Variants in IMPG2 observed in about 807,000 individuals in gnomAD.
The protein encoded by IMPG2 is IPM 200.
IMPG2 carries 91 observed loss-of-function variants against 129.2 expected under a neutral mutation model. The ratio of observed to expected loss-of-function variants is 0.70; its 90% confidence interval spans 0.59 to 0.84. IMPG2 has a LOEUF of 0.84. Ranked by LOEUF, IMPG2 falls within the 40% of genes least tolerant of loss-of-function variation. IMPG2 has a pLI of 0.00. For missense variants in IMPG2, 1,430 were observed against 1,461.7 expected (o/e 0.98, Z 0.35); for synonymous variants, 510 against 517.7 (o/e 0.99, Z 0.20).
chr3:101,232,942 C>T lies in IMPG2; in HGVS notation c.3072G>A (p.Glu1024=), dbSNP rs1252724588. The change falls in exon 15 of 19, where the codon GAG becomes GAA. Residue 1024 remains glutamate (E), a synonymous_variant. Coordinates refer to ENST00000193391, the MANE Select transcript of IMPG2 (RefSeq NM_016247.4). The stretch of plus-strand genomic sequence containing the variant: ...CTCCACTCCAGGGGTTGACCAGACA[C>T]TCTGAAAATTCATTACAGGCCTGAA... ...CKFQACNEFS[E]CLVNPWSGEA... is the part of the protein sequence containing the mutation. 6.2e-7 allele frequency: 1 copy of T among 1,613,928 alleles called. No individual in the cohort carries two copies. Among genetic ancestry groups the T allele is most frequent in the Non-Finnish European group, 8.5e-7 (1 of 1,180,026 alleles).
rs1706221838 is a variant in IMPG2, at chr3:101,226,245, A to ATATATATATATATATATATATATATATT, written c.*723_*724insAATATATATATATATATATATATATATA. 3 of 20,984 alleles carry ATATATATATATATATATATATATATATT rather than the reference A, an allele frequency of 1.4e-4. No individual in the cohort carries two copies. Among genetic ancestry groups the ATATATATATATATATATATATATATATT allele is most frequent in the African/African-American group, 4.7e-4 (3 of 6,340 alleles). 1.3% of individuals were successfully genotyped at this position (20,984 alleles called of 1,614,324 possible). A position where few individuals can be genotyped will look rare whatever the true frequency, so the allele number is the denominator to read the frequency against. ...AAACTTTATATATATATATATATAT[A>ATATATATATATATATATATATATATATT]TATATATATATATATATATATATAT... On this transcript the variant is annotated 3_prime_UTR_variant, in exon 19 of 19. Transcript: ENST00000193391.
intron 11 of IMPG2, among the ~76,000 whole-genome samples, chr3:101,250,197 G>C (rs1706528954): frequency 6.6e-6 from 1 of 152,150 alleles, no homozygotes; most frequent in Admixed American, 6.5e-5. Flanking sequence ...GCACCAAATA[G>C]ACATAAAGCT....
At chr3:101,271,459 G>A (rs1224068465) in intron 7 of IMPG2, among the ~76,000 whole-genome samples, 1 of 152,118 alleles carries the variant, frequency 6.6e-6, no homozygotes, top group South Asian at 2.1e-4. Context: ...AATTTATTGA[G>A]GACTGCAATA....
intron 11 of IMPG2, among the ~76,000 whole-genome samples, chr3:101,251,478 T>C (rs186937264): frequency 6.6e-6 from 1 of 152,320 alleles, no homozygotes. Context: ...AGCCCTTCAT[T>C]AATTTTTCTA....
In IMPG2 at chr3:101,253,766, C is replaced by T. The variant is rs139255481; in HGVS notation, c.1169G>A (p.Arg390His). The T allele has an allele frequency of 9.0e-4, 1,443 of 1,609,918 alleles. 3 individuals are homozygous for T. The highest frequency in any genetic ancestry group is 7.3e-3 in the East Asian group (329 of 44,822). The change falls in exon 11 of 19, where the codon CGT becomes CAT. Residue 390 changes from arginine to histidine, a missense_variant. Arg to His is a conservative substitution (Grantham distance 29). Coordinates refer to ENST00000193391, the MANE Select transcript of IMPG2 (RefSeq NM_016247.4). ...CCAAACTAGATCTTCAGTTTGGTGA[C>T]GCAAAACTCCTCTCACTGAGGAAAG... is the stretch of plus-strand genomic sequence containing the variant. ...LQLINVRGVL[R>H]HQTEDLVWNT... is the part of the protein sequence containing the mutation.
intron 7 of IMPG2, among the ~76,000 whole-genome samples, chr3:101,271,703 A>G (rs945875595): frequency 6.6e-6 from 1 of 152,190 alleles, no homozygotes; most frequent in Admixed American, 6.5e-5. Flanking sequence ...AATGTGCTTT[A>G]GAATTGGGAC....
In IMPG2 at chr3:101,291,521, C is replaced by T. The variant is rs375300127; in HGVS notation, c.502-11G>A. On this transcript the variant is annotated splice_polypyrimidine_tract_variant and intron_variant, in intron 3 of 18. Transcript: ENST00000193391. Reference sequence around the variant, plus strand: ...TGCATAAGTCAGTTTCTAAGGAAAACAAAGATATAAAAATGACTGAGTTAA... The same window carrying T: ...TGCATAAGTCAGTTTCTAAGGAAAATAAAGATATAAAAATGACTGAGTTAA... 3.7e-6 allele frequency: 6 copies of T among 1,608,448 alleles called. No homozygotes were observed. In the African/African-American group the frequency reaches 6.7e-5, roughly 18 times the overall value.
At chr3:101,269,205 T>C (rs1363493224) in intron 8 of IMPG2, among the ~76,000 whole-genome samples, 1 of 29,882 alleles carries the variant, frequency 3.3e-5, no homozygotes, top group African/African-American at 8.4e-5. Context: ...CCACATCTCG[T>C]CTGCCTCCTA....
chr3:101,319,781 G>C lies in IMPG2; in HGVS notation c.137C>G (p.Ser46Cys). The C allele has an allele frequency of 6.2e-7, 1 of 1,613,400 alleles. No individual in the cohort carries two copies. ...TGTTGATTCTTCAGGCAGGAGAAAA[G>C]AAACTGCACTCTTGGGTTCTTGGAT... ...EEIQEPKSAV[S>C]FLLPEESTDL... Residue 46 changes from serine (S) to cysteine (C), a missense_variant, in exon 2 of 19, where the codon TCT (serine) becomes TGT (cysteine). By Grantham distance (112) the Ser-to-Cys change is moderately radical. Transcript: ENST00000193391.
chr3:101,260,412 A>C (rs59396753), intron 9 of IMPG2, among the ~76,000 whole-genome samples: 27,066 of 152,096 alleles, frequency 0.18, 2,822 homozygotes, highest in East Asian at 0.32. Context: ...GGTAATTCCC[A>C]ATATTATTTA....
intron 11 of IMPG2, among the ~76,000 whole-genome samples, chr3:101,249,721 C>CA (rs566076617): frequency 3.5e-4 from 51 of 144,770 alleles, no homozygotes; most frequent in African/African-American, 1.1e-3. Flanking sequence ...TCTGAGGACA[C>CA]AAAATTCCCT....
chr3:101,226,267 A>ATATATATATT lies in IMPG2; in HGVS notation c.*701_*702insAATATATATA. 2 of 121,896 alleles carry ATATATATATT rather than the reference A, an allele frequency of 1.6e-5. No individual in the cohort carries two copies. Among genetic ancestry groups the ATATATATATT allele is most frequent in the African/African-American group, 6.5e-5 (2 of 30,786 alleles). The allele number at this position is 121,896 out of a possible 1,614,324, so 7.6% of individuals were successfully genotyped here. ...TATATATATATATATATATATATAT[A>ATATATATATT]TATATATATATATGCATTCATCCTG... On this transcript the variant is annotated 3_prime_UTR_variant, in exon 19 of 19. Coordinates refer to ENST00000193391, the MANE Select transcript of IMPG2 (RefSeq NM_016247.4).
At position 101,281,044 on chromosome 3, in the gene IMPG2, C is replaced by G. The variant is rs540025160; in HGVS notation, c.534-4331G>C. On this transcript the variant is annotated intron_variant, in intron 4 of 18. Transcript: ENST00000193391. ...AAATTAATTGAGACACACACACACA[C>G]AATCCCAAAGAGCAGTCCTTATACT... 1.4e-3 allele frequency among the ~76,000 whole-genome samples: 210 copies of G among 152,258 alleles called. 1 individual carries two copies. Among genetic ancestry groups the G allele is most frequent in the Non-Finnish European group, 1.0e-3 (70 of 68,028 alleles).
chr3:101,240,598 G>A (rs952531469), intron 14 of IMPG2, among the ~76,000 whole-genome samples: 1 of 152,258 alleles, frequency 6.6e-6, no homozygotes, highest in Non-Finnish European at 1.5e-5. Context: ...GGAACTAAGG[G>A]TCAGGGATAA....
chr3:101,302,926 G>C (rs145503379), intron 3 of IMPG2, among the ~76,000 whole-genome samples: 1 of 151,844 alleles, frequency 6.6e-6, no homozygotes, highest in African/African-American at 2.4e-5. Flanking sequence ...TCTCCCCAAC[G>C]TCCCCCATTT....
chr3:101,272,915 C>G (rs1706802478), intron 7 of IMPG2, among the ~76,000 whole-genome samples: 1 of 152,122 alleles, frequency 6.6e-6, no homozygotes, highest in Admixed American at 6.5e-5. Context: ...GGTAGATAAG[C>G]ATTCAATGTC....
At chr3:101,263,657 A>G (rs1423642555) in intron 9 of IMPG2, among the ~76,000 whole-genome samples, 1 of 152,000 alleles carries the variant, frequency 6.6e-6, no homozygotes, top group East Asian at 1.9e-4. Flanking sequence ...GAAAAGCAAA[A>G]ACAAACCAAA....
chr3:101,314,319 G>T (rs1198109113), intron 2 of IMPG2, among the ~76,000 whole-genome samples: 1 of 152,038 alleles, frequency 6.6e-6, no homozygotes, highest in South Asian at 2.1e-4. Flanking sequence ...ACACTAAAAA[G>T]ATTATTTGTT....
chr3:101,314,488 T>A (rs2058774575), intron 2 of IMPG2, among the ~76,000 whole-genome samples: 1 of 152,078 alleles, frequency 6.6e-6, no homozygotes, highest in Non-Finnish European at 1.5e-5. Flanking sequence ...TACCCAGCGT[T>A]TGGGTCCTGA....
Sources: allele counts gnomAD v4.1 joint callset (sites outside exome capture counted in the v4.1 genomes callset), GRCh38; gene constraint gnomAD v4.1.1; transcripts MANE v1.5; gene names NCBI Gene and HGNC (gene_info 2026-07-23, HGNC 2026-07-21).